The following LHFPL4 variants were observed in gnomAD, a reference collection of about 807,000 sequenced individuals.
LHFPL4 encodes LHFPL tetraspan subfamily member 4.
A neutral mutation model predicts 20.0 loss-of-function variants in LHFPL4; 6 were observed. That is an observed-to-expected ratio of 0.30 (90% CI 0.16 to 0.59). LHFPL4 has a LOEUF of 0.59. LHFPL4 is among the 20% of genes least tolerant of loss of function. The pLI is 0.88. For synonymous variants in LHFPL4, 129 were observed against 143.8 expected, an observed-to-expected ratio of 0.90 and a Z score of 0.74; for missense variants, 215 against 331.2, an observed-to-expected ratio of 0.65 and a Z score of 2.72.
intron 2 of LHFPL4, among the ~76,000 whole-genome samples, chr3:9,543,399 G>A (rs1298696712): frequency 6.6e-6 from 1 of 152,014 alleles, no homozygotes; most frequent in Non-Finnish European, 1.5e-5. Flanking sequence ...TACTCGGGAG[G>A]CTGAGGAAGG....
chr3:9,530,093 C>T (rs186585612), intron 2 of LHFPL4, among the ~76,000 whole-genome samples: 74 of 152,246 alleles, frequency 4.9e-4, no homozygotes, highest in Non-Finnish European at 7.6e-4. Context: ...AGAATTTTCA[C>T]GTGGTAAATG....
intron 2 of LHFPL4, among the ~76,000 whole-genome samples, chr3:9,512,333 G>T (rs148830527): frequency 1.3e-5 from 2 of 152,314 alleles, no homozygotes; most frequent in East Asian, 3.9e-4. Context: ...TAGAGCTTCT[G>T]TGAGAATCAA....
intron 2 of LHFPL4, among the ~76,000 whole-genome samples, chr3:9,519,120 GTA>G (rs2046321956): frequency 4.6e-5 from 7 of 151,564 alleles, no homozygotes; most frequent in African/African-American, 1.7e-4. Context: ...TGTATTTTTA[GTA>G]GAGATGGGGC....
intron 2 of LHFPL4, among the ~76,000 whole-genome samples, chr3:9,545,959 T>C (rs112078069): frequency 0.019 from 2,859 of 151,892 alleles, 98 homozygotes; most frequent in African/African-American, 0.065. Context: ...ATGAATATTC[T>C]ATGCCATAGT....
Position 9,504,974 on chromosome 3 carries a change from G to C in LHFPL4, c.643+993C>G, listed in dbSNP as rs1215553094. Among the ~76,000 whole-genome samples the C allele has an allele frequency of 2.0e-5, 3 of 151,360 alleles. No individual in the cohort carries two copies. In the South Asian group the frequency reaches 6.2e-4, roughly 31 times the overall value. Reference sequence around the variant, plus strand: ...CCCTCTCTCAACATTATATTACTGAGATACATCCACTGTGGTACATATAAC... The same window carrying C: ...CCCTCTCTCAACATTATATTACTGACATACATCCACTGTGGTACATATAAC... On this transcript the variant is annotated intron_variant, in intron 3 of 3. Transcript: ENST00000287585.
intron 2 of LHFPL4, among the ~76,000 whole-genome samples, chr3:9,541,671 C>T (rs1406145481): frequency 6.6e-6 from 1 of 151,728 alleles, no homozygotes; most frequent in Non-Finnish European, 1.5e-5. Flanking sequence ...AATAGGGAGG[C>T]CGGGGCAGGA....
At chr3:9,516,309 A>C (rs2046300984) in intron 2 of LHFPL4, among the ~76,000 whole-genome samples, 1 of 152,066 alleles carries the variant, frequency 6.6e-6, no homozygotes, top group African/African-American at 2.4e-5. Flanking sequence ...GTGGATATTC[A>C]GTTGTTCCAG....
intron 2 of LHFPL4, among the ~76,000 whole-genome samples, chr3:9,510,138 C>T (rs1215744241): frequency 1.3e-5 from 2 of 152,132 alleles, no homozygotes; most frequent in Non-Finnish European, 2.9e-5. Flanking sequence ...GGGGCACCAC[C>T]AAACCCAGTC....
chr3:9,537,933 A>T (rs1393248941), intron 2 of LHFPL4, among the ~76,000 whole-genome samples: 1 of 152,012 alleles, frequency 6.6e-6, no homozygotes. Context: ...CCCCTTGCAC[A>T]TCCCATAAGA....
intron 2 of LHFPL4, among the ~76,000 whole-genome samples, chr3:9,526,119 G>A (rs967953047): frequency 6.6e-6 from 1 of 152,162 alleles, no homozygotes; most frequent in Non-Finnish European, 1.5e-5. Flanking sequence ...ATATAAATAA[G>A]CCAGTCATGA....
intron 2 of LHFPL4, among the ~76,000 whole-genome samples, chr3:9,516,970 A>G (rs2046307100): frequency 6.8e-6 from 1 of 147,192 alleles, no homozygotes; most frequent in African/African-American, 2.5e-5. Context: ...TAGTAGAGAC[A>G]GGGTTTCGCC....
At chr3:9,523,613 C>T (rs1049083048) in intron 2 of LHFPL4, among the ~76,000 whole-genome samples, 1 of 151,818 alleles carries the variant, frequency 6.6e-6, no homozygotes, top group South Asian at 2.1e-4. Context: ...GCTGGGATTA[C>T]AGGCGTGTGC....
rs373849529 is a variant in LHFPL4, at chr3:9,501,738, G to GA, written c.*472dup. On this transcript the variant is annotated 3_prime_UTR_variant, in exon 4 of 4. Transcript: ENST00000287585. Reference sequence around the variant, plus strand: ...GGTGGAACCAACATCAGCCAAAAAAGAAAAAAAAAAAAAGTAGGAAAGAGT... The same window carrying GA: ...GGTGGAACCAACATCAGCCAAAAAAGAAAAAAAAAAAAAAGTAGGAAAGAGT... The GA allele has an allele frequency of 0.026, 3,471 of 132,836 alleles. 125 individuals carry two copies. The highest frequency in any genetic ancestry group is 0.084 in the African/African-American group (3,034 of 36,266). The allele number at this position is 132,836 out of a possible 1,614,324, so 8.2% of individuals were successfully genotyped here.
intron 1 of LHFPL4, among the ~76,000 whole-genome samples, chr3:9,553,384 C>G (rs1459983217): frequency 7.8e-6 from 1 of 127,920 alleles, no homozygotes; most frequent in Non-Finnish European, 1.7e-5. Context: ...GCTGGGACTG[C>G]TGGACACGGG....
intron 2 of LHFPL4, among the ~76,000 whole-genome samples, chr3:9,510,436 C>G (rs1371848903): frequency 8.5e-6 from 1 of 117,354 alleles, no homozygotes; most frequent in Non-Finnish European, 1.8e-5. Context: ...GACATGGTTT[C>G]AAAAAAAAAA....
At position 9,506,439 on chromosome 3, in the gene LHFPL4, T is replaced by A. The variant is rs1294311679; in HGVS notation, c.407-236A>T. ...CTGGAACCCGCAATGCCCTCTCCCT[T>A]CCCCATGAGATCAACTCCTCCTCCA... On this transcript the variant is annotated intron_variant, in intron 2 of 3. Coordinates refer to ENST00000287585, the MANE Select transcript of LHFPL4 (RefSeq NM_198560.3). The surrounding 1 kb of genome is among the most constrained non-coding windows in gnomAD (Gnocchi z 4.5). Among the ~76,000 whole-genome samples the A allele has an allele frequency of 6.6e-6, 1 of 151,970 alleles. No individual in the cohort carries two copies. The highest frequency in any genetic ancestry group is 1.9e-4 in the East Asian group (1 of 5,188).
intron 2 of LHFPL4, among the ~76,000 whole-genome samples, chr3:9,536,270 C>A (rs1285720166): frequency 1.3e-5 from 2 of 152,212 alleles, no homozygotes; most frequent in African/African-American, 4.8e-5. Flanking sequence ...TCCTGCCCAT[C>A]CAGGGCAGGG....
At chr3:9,537,437 T>C (rs903073810) in intron 2 of LHFPL4, among the ~76,000 whole-genome samples, 4 of 152,312 alleles carry the variant, frequency 2.6e-5, no homozygotes, top group Admixed American at 2.6e-4. Flanking sequence ...CATCACTTTG[T>C]GCAGTAATTA....
At chr3:9,515,540 A>C (rs911595038) in intron 2 of LHFPL4, among the ~76,000 whole-genome samples, 3 of 151,732 alleles carry the variant, frequency 2.0e-5, no homozygotes, top group Non-Finnish European at 4.4e-5. Flanking sequence ...CACCTGGCTC[A>C]TTTCTGTATT....
Sources: allele counts gnomAD v4.1 joint callset (sites outside exome capture counted in the v4.1 genomes callset), GRCh38; gene constraint gnomAD v4.1.1; non-coding constraint Gnocchi (gnomAD v3.1); transcripts MANE v1.5; gene names NCBI Gene and HGNC (gene_info 2026-07-23, HGNC 2026-07-21).